The following MAST4 variants were observed in gnomAD, a reference collection of about 807,000 sequenced individuals.
MAST4 encodes the protein microtubule associated serine/threonine kinase family member 4, also known as microtubule-associated serine/threonine-protein kinase 4.
MAST4 carries 89 observed loss-of-function variants against 162.7 expected under a neutral mutation model. The observed-to-expected ratio is 0.55, with a 90% CI of 0.46 to 0.65. The LOEUF is 0.65. Ranked by LOEUF, MAST4 falls within the 30% of genes least tolerant of loss-of-function variation. The pLI is 0.00. For synonymous variants in MAST4, 1,479 were observed against 1,361.1 expected (o/e 1.09, Z -1.91); for missense variants, 3,153 against 3,374.0 (o/e 0.93, Z 1.62).
At chr5:66,941,376 A>G (rs370538508) in intron 4 of MAST4, among the ~76,000 whole-genome samples, 283 of 152,296 alleles carry the variant, frequency 1.9e-3, no homozygotes, top group African/African-American at 6.3e-3. Flanking sequence ...TGCAGCTTCT[A>G]CATCAGAACT....
At chr5:67,100,376 G>A (rs1026031419) in intron 7 of MAST4, 59 bp from the exon 8 acceptor site, 38 of 1,570,454 alleles carry the variant, frequency 2.4e-5, no homozygotes, top group Non-Finnish European at 3.2e-5. Context: ...GATCTCTCCT[G>A]TTCATTTGAA....
chr5:66,811,816 T>C (rs1382767895), intron 3 of MAST4, among the ~76,000 whole-genome samples: 1 of 147,856 alleles, frequency 6.8e-6, no homozygotes, highest in African/African-American at 2.4e-5. Flanking sequence ...GTCAGGTTTT[T>C]GGATGCTTTC....
chr5:66,904,683 T>G, intron 4 of MAST4, among the ~76,000 whole-genome samples: 1 of 152,126 alleles, frequency 6.6e-6, no homozygotes, highest in Non-Finnish European at 1.5e-5. Context: ...CTTGCTTGCT[T>G]GATTGATGGA....
intron 1 of MAST4, among the ~76,000 whole-genome samples, chr5:66,701,245 A>G (rs577636101): frequency 5.1e-4 from 78 of 152,278 alleles, no homozygotes; most frequent in African/African-American, 1.9e-3. Context: ...TGATTCCATG[A>G]CCTTTGAGAT....
At chr5:66,694,635 T>TGCCACCATGCCCTGC (rs1286879708) in intron 1 of MAST4, among the ~76,000 whole-genome samples, 11 of 152,068 alleles carry the variant, frequency 7.2e-5, no homozygotes, top group Non-Finnish European at 5.9e-5. Context: ...TACAGGCGTG[T>TGCCACCATGCCCTGC]GCCACCATGC....
intron 3 of MAST4, among the ~76,000 whole-genome samples, chr5:66,841,705 A>G (rs1758441152): frequency 6.6e-6 from 1 of 152,160 alleles, no homozygotes; most frequent in Non-Finnish European, 1.5e-5. Flanking sequence ...AAATGTTAAT[A>G]CCATCACTTT....
chr5:66,605,632 G>A (rs891373866), intron 1 of MAST4, among the ~76,000 whole-genome samples: 3 of 152,088 alleles, frequency 2.0e-5, no homozygotes, highest in Non-Finnish European at 4.4e-5. Flanking sequence ...CAGTGACCAA[G>A]TCTCCCTAAT....
intron 7 of MAST4, 62 bp from the exon 8 acceptor site, chr5:67,100,372 TC>T: frequency 6.4e-7 from 1 of 1,551,284 alleles, no homozygotes; most frequent in Non-Finnish European, 8.9e-7. Context: ...CATCGATCTC[TC>T]CTGTTCATTT....
intron 4 of MAST4, among the ~76,000 whole-genome samples, chr5:67,023,914 T>C (rs1019331216): frequency 1.3e-5 from 2 of 152,042 alleles, no homozygotes; most frequent in Admixed American, 1.3e-4. Flanking sequence ...GAAAAAAATG[T>C]TTAATTGTGT....
At chr5:67,133,155 G>T (rs955848210) in intron 16 of MAST4, among the ~76,000 whole-genome samples, 5 of 151,824 alleles carry the variant, frequency 3.3e-5, no homozygotes, top group Non-Finnish European at 7.4e-5. Flanking sequence ...GGGTTGCTTA[G>T]TTCCTGGTGT....
chr5:66,812,384 C>A (rs1186000318), intron 3 of MAST4, among the ~76,000 whole-genome samples: 5 of 152,144 alleles, frequency 3.3e-5, no homozygotes, highest in Non-Finnish European at 7.4e-5. Flanking sequence ...ATCGCTAACA[C>A]AAAACCTTGA....
chr5:67,164,164 A>G lies in MAST4; in HGVS notation c.4985A>G (p.Glu1662Gly). 6.2e-7 allele frequency: 1 copy of G among 1,609,754 alleles called. No homozygotes were observed. The highest frequency in any genetic ancestry group is 2.2e-5 in the East Asian group (1 of 44,734). The change falls in exon 29 of 29, where the codon GAA becomes GGA. Residue 1662 changes from glutamate (E) to glycine (G), a missense_variant. Physicochemically the swap from Glu to Gly is moderately conservative, Grantham distance 98. Transcript: ENST00000403625. The surrounding 1 kb of genome is among the most constrained non-coding windows in gnomAD (Gnocchi z 5.3). ...SLDRGISGKG[E>G]GTEKSSQAKE... ...GACAGGGGCATCTCTGGGAAGGGGG[A>G]AGGCACGGAGAAGTCCTCCCAGGCC...
intron 3 of MAST4, among the ~76,000 whole-genome samples, chr5:66,849,060 A>AT (rs1232296796): frequency 2.0e-5 from 3 of 152,176 alleles, no homozygotes; most frequent in African/African-American, 7.2e-5. Context: ...ATGACTCTCA[A>AT]TATCCCCATT....
In MAST4 at chr5:66,788,767, G is replaced by A; in HGVS notation, c.615G>A (p.Gln205=). Residue 205 remains glutamine, a synonymous_variant, in exon 3 of 29, where the codon CAG becomes CAA. Coordinates refer to ENST00000403625, the MANE Select transcript of MAST4 (RefSeq NM_001164664.2). ...GCATGCGCAGCCAGGCCCTGGGCCA[G>A]TCGGCGCCCTCGCTCACCGCCAGCC... ...LVRMRSQALG[Q]SAPSLTASLK... 5 of 1,602,758 alleles carry A rather than the reference G, an allele frequency of 3.1e-6. No homozygotes were observed. Among genetic ancestry groups the A allele is most frequent in the Non-Finnish European group, 4.3e-6 (5 of 1,174,038 alleles).
intron 21 of MAST4, among the ~76,000 whole-genome samples, chr5:67,144,457 TAC>T (rs57996757): frequency 0.095 from 14,282 of 149,802 alleles, 1,638 homozygotes; most frequent in African/African-American, 0.28. Flanking sequence ...CGTATATATG[TAC>T]ACACACACAC....
chr5:66,803,444 A>C (rs1450826303), intron 3 of MAST4, among the ~76,000 whole-genome samples: 3 of 152,146 alleles, frequency 2.0e-5, no homozygotes, highest in Non-Finnish European at 4.4e-5. Context: ...AAATTACATT[A>C]AATGTGTAGA....
chr5:66,853,664 G>C (rs1232872844), intron 3 of MAST4, among the ~76,000 whole-genome samples: 1 of 152,176 alleles, frequency 6.6e-6, no homozygotes, highest in Non-Finnish European at 1.5e-5. Flanking sequence ...AAATATTACA[G>C]AATGTTTGGA....
intron 4 of MAST4, chr5:66,959,433 C>T (rs1291668630): frequency 7.3e-6 from 5 of 689,140 alleles, no homozygotes; most frequent in Non-Finnish European, 1.4e-5. Flanking sequence ...GTCTTAAATG[C>T]ATGGCATTTG....
chr5:66,781,458 A>G (rs1403082631), intron 2 of MAST4, among the ~76,000 whole-genome samples: 3 of 152,208 alleles, frequency 2.0e-5, no homozygotes, highest in Admixed American at 6.5e-5. Flanking sequence ...CATGGCACCA[A>G]TTCAGTGCCA....
Sources: allele counts gnomAD v4.1 joint callset (sites outside exome capture counted in the v4.1 genomes callset), GRCh38; gene constraint gnomAD v4.1.1; non-coding constraint Gnocchi (gnomAD v3.1); transcripts MANE v1.5; gene names NCBI Gene and HGNC (gene_info 2026-07-23, HGNC 2026-07-21).